DMD: variants seen among roughly 807,000 people sequenced by gnomAD.
The protein encoded by DMD is dystrophin.
Under a neutral mutation model 330.1 loss-of-function variants are expected in DMD, and 63 were observed. The ratio of observed to expected loss-of-function variants is 0.19; its 90% confidence interval spans 0.16 to 0.24. DMD has a LOEUF of 0.24. Among genes scored for constraint, DMD ranks in the 10% least tolerant of loss-of-function variants. The pLI is 1.00. For missense variants in DMD, 3,344 were observed against 2,684.1 expected (o/e 1.25, Z -5.43); for synonymous variants, 1,223 against 959.8 (o/e 1.27, Z -5.07).
chrX:31,344,765 G>T (rs1406418393), intron 61 of DMD, among the ~76,000 whole-genome samples: 1 of 110,172 alleles, frequency 9.1e-6, no homozygotes, highest in Non-Finnish European at 1.9e-5. Context: ...CATGAGAATC[G>T]CTAGAACCCA....
chrX:32,899,215 G>A (rs990859767), intron 2 of DMD, among the ~76,000 whole-genome samples: 25 of 112,206 alleles, frequency 2.2e-4, no homozygotes, highest in South Asian at 3.7e-4. Context: ...CACAATGTCC[G>A]TATGCATTTA....
intron 1 of DMD, among the ~76,000 whole-genome samples, chrX:33,061,752 T>C (rs2094583595): frequency 9.0e-6 from 1 of 111,637 alleles, no homozygotes; most frequent in African/African-American, 3.3e-5. Flanking sequence ...CGCTCCTGTG[T>C]TCCTTCCAGA....
chrX:33,231,027 A>G (rs937927541), intron 1 of DMD, among the ~76,000 whole-genome samples: 1 of 111,760 alleles, frequency 8.9e-6, no homozygotes, highest in Non-Finnish European at 1.9e-5. Context: ...TTGCAACAGT[A>G]TAATAGGGCC....
intron 44 of DMD, among the ~76,000 whole-genome samples, chrX:32,008,106 C>T (rs1427733845): frequency 2.7e-5 from 3 of 110,961 alleles, no homozygotes; most frequent in Non-Finnish European, 5.7e-5. Context: ...CAGTGGGCTC[C>T]GGTGTGACTA....
intron 2 of DMD, among the ~76,000 whole-genome samples, chrX:32,948,610 G>A (rs1453979516): frequency 8.9e-6 from 1 of 111,929 alleles, no homozygotes; most frequent in Non-Finnish European, 1.9e-5. Flanking sequence ...CATCTGCGGT[G>A]AACTTTGCAG....
chrX:33,181,602 C>T (rs1227710446), intron 1 of DMD, among the ~76,000 whole-genome samples: 4 of 111,706 alleles, frequency 3.6e-5, no homozygotes, highest in East Asian at 5.6e-4. Context: ...TAATAGCTCT[C>T]TCACAGGCTT....
At chrX:33,305,649 AAACT>A (rs970836063) in intron 1 of DMD, among the ~76,000 whole-genome samples, 43 of 110,684 alleles carry the variant, frequency 3.9e-4, no homozygotes, top group African/African-American at 1.3e-3. Context: ...GAGACAAAAC[AAACT>A]AATGTCAGAA....
intron 60 of DMD, among the ~76,000 whole-genome samples, chrX:31,378,680 T>G (rs1011429167): frequency 9.2e-6 from 1 of 108,827 alleles, no homozygotes; most frequent in Non-Finnish European, 1.9e-5. Context: ...TCTCTACCCC[T>G]TCTCCGCTTT....
At chrX:32,532,096 A>G (rs2047533757) in intron 17 of DMD, among the ~76,000 whole-genome samples, 1 of 111,628 alleles carries the variant, frequency 9.0e-6, no homozygotes, top group Admixed American at 9.6e-5. Flanking sequence ...CTTATTATAT[A>G]ATGTGGTTAA....
At chrX:32,671,564 ATCTGCACC>A (rs1043495096) in intron 9 of DMD, among the ~76,000 whole-genome samples, 7 of 112,078 alleles carry the variant, frequency 6.2e-5, no homozygotes, top group African/African-American at 2.3e-4. Context: ...GCCAAATATA[ATCTGCACC>A]TCTGCTAATT....
intron 38 of DMD, among the ~76,000 whole-genome samples, chrX:32,347,302 T>C (rs958639816): frequency 3.6e-5 from 4 of 111,680 alleles, no homozygotes; most frequent in Non-Finnish European, 7.5e-5. Flanking sequence ...CAACAAAAAA[T>C]TAAAAAACCC....
chrX:31,465,799 T>G lies in DMD; in HGVS notation c.8937+12307A>C, dbSNP rs201678861. ...TTGCCACACTGTCTTCCACAATGGT[T>G]GAACTAATTTACACTCCCACCAACA... On this transcript the variant is annotated intron_variant, in intron 59 of 78. Transcript: ENST00000357033. 6.2e-5 allele frequency among the ~76,000 whole-genome samples: 7 copies of G among 112,015 alleles called. No homozygotes were observed. In the East Asian group the frequency reaches 1.7e-3, roughly 27 times the overall value.
At chrX:31,732,387 A>AG (rs2086574228) in intron 51 of DMD, among the ~76,000 whole-genome samples, 1 of 111,268 alleles carries the variant, frequency 9.0e-6, no homozygotes, top group African/African-American at 3.3e-5. Flanking sequence ...AAATAAAGAG[A>AG]GGGATTTAAT....
At chrX:32,706,268 GAT>G (rs2064639603) in intron 7 of DMD, among the ~76,000 whole-genome samples, 4 of 101,969 alleles carry the variant, frequency 3.9e-5, no homozygotes, top group Non-Finnish European at 8.0e-5. Flanking sequence ...AGCATTAGGA[GAT>G]ATACCTAATG....
intron 33 of DMD, among the ~76,000 whole-genome samples, chrX:32,381,899 T>C (rs994740903): frequency 9.0e-6 from 1 of 111,068 alleles, no homozygotes; most frequent in Non-Finnish European, 1.9e-5. Flanking sequence ...TGTTAGGCTC[T>C]GCGATACGTA....
At chrX:31,743,112 A>C (rs1044524715) in intron 51 of DMD, among the ~76,000 whole-genome samples, 2 of 111,885 alleles carry the variant, frequency 1.8e-5, no homozygotes, top group African/African-American at 6.5e-5. Flanking sequence ...ACATCACTCA[A>C]CATCAGAGAA....
intron 44 of DMD, among the ~76,000 whole-genome samples, chrX:32,035,072 C>A (rs1164846197): frequency 9.0e-6 from 1 of 111,498 alleles, no homozygotes; most frequent in African/African-American, 3.2e-5. Flanking sequence ...GTGATATTGT[C>A]CATGTTCATA....
intron 55 of DMD, among the ~76,000 whole-genome samples, chrX:31,594,101 T>C (rs1331522384): frequency 9.0e-6 from 1 of 111,338 alleles, no homozygotes; most frequent in African/African-American, 3.3e-5. Context: ...ACTGACATTT[T>C]GGCCTAAATA....
chrX:31,493,797 C>A (rs1158469320), intron 57 of DMD, among the ~76,000 whole-genome samples: 2 of 111,708 alleles, frequency 1.8e-5, no homozygotes, highest in Non-Finnish European at 3.8e-5. Flanking sequence ...AGAGTAGATG[C>A]AGAAAGGTTA....
Sources: gnomAD v4.1 joint callset for allele counts (sites outside exome capture counted in the v4.1 genomes callset) on GRCh38, gnomAD v4.1.1 for gene constraint, MANE v1.5 for transcripts, NCBI Gene and HGNC (gene_info 2026-07-23, HGNC 2026-07-21) for gene names.